Variants in ADRA1B observed in about 807,000 individuals in gnomAD.
ADRA1B encodes adrenoceptor alpha 1B.
ADRA1B carries 17 observed loss-of-function variants against 17.9 expected under a neutral mutation model. That is an observed-to-expected ratio of 0.95 (90% confidence interval 0.65 to 1.42). The LOEUF (loss-of-function observed/expected upper bound fraction) is 1.42, where lower values mean the gene tolerates loss of function less well. Ranked by LOEUF, ADRA1B falls within the 40% of genes most tolerant of loss-of-function variation. The pLI, the probability that ADRA1B is intolerant of heterozygous loss-of-function variation, is 0.00. For missense variants in ADRA1B, 681 were observed against 722.1 expected (o/e 0.94, Z 0.65); for synonymous variants, 366 against 327.6 (o/e 1.12, Z -1.27).
At chr5:159,900,668 A>G (rs1754091291) in intron 1 of ADRA1B, among the ~76,000 whole-genome samples, 1 of 152,196 alleles carries the variant, frequency 6.6e-6, no homozygotes, top group South Asian at 2.1e-4. Flanking sequence ...AAAGGGGAGC[A>G]ATGTCCTCAC....
intron 1 of ADRA1B, chr5:159,948,576 C>G (rs1331410526): frequency 1.7e-6 from 1 of 583,436 alleles, no homozygotes; most frequent in Non-Finnish European, 2.2e-6. Context: ...AAAGCCACCC[C>G]TTAAACATAA....
At chr5:159,953,248 T>G (rs1755481517) in intron 1 of ADRA1B, among the ~76,000 whole-genome samples, 1 of 152,090 alleles carries the variant, frequency 6.6e-6, no homozygotes, top group South Asian at 2.1e-4. Flanking sequence ...TAATCCCAGC[T>G]ACTCAGCAGA....
intron 1 of ADRA1B, among the ~76,000 whole-genome samples, chr5:159,952,937 A>T (rs1405450838): frequency 6.6e-6 from 1 of 152,198 alleles, no homozygotes; most frequent in Non-Finnish European, 1.5e-5. Flanking sequence ...TTCTTACATT[A>T]TAGGCTTTCT....
chr5:159,919,485 G>A (rs1277130747), intron 1 of ADRA1B, among the ~76,000 whole-genome samples: 2 of 152,226 alleles, frequency 1.3e-5, no homozygotes, highest in Non-Finnish European at 2.9e-5. Flanking sequence ...ACAAAACAGG[G>A]CTGATTAATA....
chr5:159,899,888 A>G (rs559309194), intron 1 of ADRA1B, among the ~76,000 whole-genome samples: 1 of 152,356 alleles, frequency 6.6e-6, no homozygotes, highest in South Asian at 2.1e-4. Flanking sequence ...AGACCACAAG[A>G]TTCCCAGAAT....
chr5:159,867,336 C>G (rs6556458), intron 1 of ADRA1B, among the ~76,000 whole-genome samples: 1 of 151,936 alleles, frequency 6.6e-6, no homozygotes, highest in Non-Finnish European at 1.5e-5. Context: ...CTTTCTCTAT[C>G]TTCCATGAGA....
chr5:159,930,058 G>C (rs1754758988), intron 1 of ADRA1B, among the ~76,000 whole-genome samples: 1 of 152,204 alleles, frequency 6.6e-6, no homozygotes, highest in Non-Finnish European at 1.5e-5. Context: ...AGAATGCATA[G>C]AGTTACTGCT....
intron 1 of ADRA1B, 88 bp from the exon 2 acceptor site, chr5:159,971,791 A>C: frequency 7.9e-7 from 1 of 1,269,046 alleles, no homozygotes. Flanking sequence ...CAGGTTGACA[A>C]TGTTGAGGAG....
At chr5:159,963,288 G>GTATATATATATATATGTGTATATATATA (rs779436118) in intron 1 of ADRA1B, among the ~76,000 whole-genome samples, 4 of 132,732 alleles carry the variant, frequency 3.0e-5, no homozygotes, top group South Asian at 5.2e-4. Flanking sequence ...AACAAAAAAA[G>GTATATATATATATATGTGTATATATATA]TATATATATA....
chr5:159,952,934 A>G (rs900910783), intron 1 of ADRA1B, among the ~76,000 whole-genome samples: 5 of 152,242 alleles, frequency 3.3e-5, no homozygotes, highest in African/African-American at 1.2e-4. Context: ...ACCTTCTTAC[A>G]TTATAGGCTT....
At chr5:159,906,229 T>A (rs1021376164) in intron 1 of ADRA1B, among the ~76,000 whole-genome samples, 3 of 152,196 alleles carry the variant, frequency 2.0e-5, no homozygotes, top group Non-Finnish European at 4.4e-5. Flanking sequence ...GTTTAAGACC[T>A]GCATCCTATA....
chr5:159,984,560 T>A, the ADRA1B span, among the ~76,000 whole-genome samples: 58 of 152,134 alleles, frequency 3.8e-4, 1 homozygote, highest in African/African-American at 1.1e-3. Context: ...CTCAGAAAAC[T>A]GTCAATTTGC....
chr5:159,960,928 G>A (rs749395976), intron 1 of ADRA1B, among the ~76,000 whole-genome samples: 4 of 152,210 alleles, frequency 2.6e-5, no homozygotes, highest in Non-Finnish European at 5.9e-5. Flanking sequence ...TGGGCACAGA[G>A]AGAAGAGTCA....
the ADRA1B span, among the ~76,000 whole-genome samples, chr5:159,984,518 A>G: frequency 6.6e-6 from 1 of 152,148 alleles, no homozygotes; most frequent in Non-Finnish European, 1.5e-5. Context: ...GAACAACTGC[A>G]GTTGCCTCCT....
the ADRA1B span, among the ~76,000 whole-genome samples, chr5:159,983,868 G>A: frequency 2.6e-5 from 4 of 151,740 alleles, no homozygotes; most frequent in African/African-American, 9.7e-5. Flanking sequence ...AGCACTCCAC[G>A]TTTATACTCC....
intron 1 of ADRA1B, among the ~76,000 whole-genome samples, chr5:159,899,695 T>C (rs1236907615): frequency 6.6e-6 from 1 of 152,168 alleles, no homozygotes; most frequent in Non-Finnish European, 1.5e-5. Context: ...CTGTGATGCC[T>C]TATGGAAATG....
chr5:159,881,051 G>A (rs1431024107), intron 1 of ADRA1B, among the ~76,000 whole-genome samples: 1 of 152,048 alleles, frequency 6.6e-6, no homozygotes, highest in Non-Finnish European at 1.5e-5. Flanking sequence ...AAAATTCTGT[G>A]TAGTCCCAGC....
chr5:159,936,811 G>A (rs922027978), intron 1 of ADRA1B, among the ~76,000 whole-genome samples: 1 of 152,160 alleles, frequency 6.6e-6, no homozygotes, highest in East Asian at 1.9e-4. Flanking sequence ...GGTAGAAAAT[G>A]GGAAAGAGGA....
intron 1 of ADRA1B, among the ~76,000 whole-genome samples, chr5:159,929,612 GT>G (rs555542122): frequency 2.0e-5 from 3 of 151,992 alleles, no homozygotes; most frequent in Non-Finnish European, 4.4e-5. Context: ...AAGAATGCCT[GT>G]TTTTAGACTT....
Sources: allele counts gnomAD v4.1 joint callset (sites outside exome capture counted in the v4.1 genomes callset), GRCh38; gene constraint gnomAD v4.1.1; transcripts MANE v1.5; gene names NCBI Gene and HGNC (gene_info 2026-07-23, HGNC 2026-07-21).